POLK: variants seen among roughly 807,000 people sequenced by gnomAD.
POLK encodes DNA polymerase kappa, also known as polymerase (DNA directed) kappa.
In POLK, 76 loss-of-function variants were observed where a neutral mutation model predicts 94.0. The ratio of observed to expected loss-of-function variants is 0.81; its 90% CI spans 0.67 to 0.98. POLK has a LOEUF of 0.98. POLK is among the 50% of genes least tolerant of loss of function. The pLI, the probability that POLK is intolerant of heterozygous loss-of-function variation, is 0.00. For synonymous variants in POLK, 349 were observed against 325.4 expected, an observed-to-expected ratio of 1.07 and a Z score of -0.78; for missense variants, 954 against 1,010.1, an observed-to-expected ratio of 0.94 and a Z score of 0.75.
At chr5:75,586,774 A>G (rs1417670466) in intron 9 of POLK, among the ~76,000 whole-genome samples, 1 of 152,166 alleles carries the variant, frequency 6.6e-6, no homozygotes, top group African/African-American at 2.4e-5. Context: ...AATAGAAGCA[A>G]TTTCTAATAT....
intron 6 of POLK, among the ~76,000 whole-genome samples, chr5:75,579,019 CTCTTAGT>C (rs1178110987): frequency 6.6e-6 from 1 of 152,152 alleles, no homozygotes; most frequent in Non-Finnish European, 1.5e-5. Context: ...ACTACTTCAG[CTCTTAGT>C]TACACAGCCA....
At chr5:75,513,787 G>GT (rs1397490998) in intron 1 of POLK, among the ~76,000 whole-genome samples, 6 of 152,190 alleles carry the variant, frequency 3.9e-5, no homozygotes, top group African/African-American at 1.4e-4. Flanking sequence ...CCAATGAACA[G>GT]TATTAGTGCC....
intron 1 of POLK, chr5:75,512,667 TTTGA>T (rs1768109037): frequency 6.6e-6 from 1 of 152,248 alleles, no homozygotes; most frequent in Admixed American, 6.5e-5. Context: ...CAAGGATAAC[TTTGA>T]TTATGAGACT....
chr5:75,511,314 G>A (rs1163273859), upstream of POLK: 2 of 1,549,926 alleles, frequency 1.3e-6, no homozygotes, highest in Non-Finnish European at 1.7e-6. Context: ...AGCGAAGAGT[G>A]CCCGCTCCGG....
At chr5:75,604,407 C>G (rs1773370280), downstream of POLK, among the ~76,000 whole-genome samples, 1 of 152,176 alleles carries the variant, frequency 6.6e-6, no homozygotes, top group Admixed American at 6.5e-5. Context: ...GAGACAAGGT[C>G]TCACCGTCAC....
intron 1 of POLK, among the ~76,000 whole-genome samples, chr5:75,533,010 C>T (rs1399724242): frequency 6.6e-6 from 1 of 152,144 alleles, no homozygotes; most frequent in East Asian, 1.9e-4. Flanking sequence ...CCGTAGTTTG[C>T]AGAAATTTTC....
chr5:75,559,616 A>G (rs908894118), intron 3 of POLK, among the ~76,000 whole-genome samples: 2 of 144,780 alleles, frequency 1.4e-5, no homozygotes, highest in African/African-American at 5.2e-5. Context: ...GGCTCACTAC[A>G]ACCTCCAACT....
Position 75,555,655 on chromosome 5 carries a change from A to G in POLK, c.255+3064A>G, listed in dbSNP as rs141892650. ...AACCTCCACCTCCCGGGTTCAAGCT[A>G]TTCTCCCTCGGCCTCCCGAGTAGCT... On this transcript the variant is annotated intron_variant, in intron 3 of 14. Coordinates refer to ENST00000241436, the Ensembl canonical transcript of POLK. Among the ~76,000 whole-genome samples the G allele has an allele frequency of 1.7e-3, 256 of 151,542 alleles. 1 individual carries two copies. The highest frequency in any genetic ancestry group is 5.3e-3 in the African/African-American group (217 of 41,286).
chr5:75,529,461 G>A (rs1366775741), intron 1 of POLK, among the ~76,000 whole-genome samples: 1 of 151,984 alleles, frequency 6.6e-6, no homozygotes, highest in Admixed American at 6.6e-5. Flanking sequence ...ATGAGATTTG[G>A]AGAGGAACAC....
At chr5:75,511,044 C>T (rs1382688952), upstream of POLK, 3 of 1,456,500 alleles carry the variant, frequency 2.1e-6, no homozygotes, top group African/African-American at 4.3e-5. Context: ...CCCACCCCAC[C>T]GCCTCAGCGG....
chr5:75,575,775 C>G (rs913110002), intron 5 of POLK, among the ~76,000 whole-genome samples: 11 of 152,204 alleles, frequency 7.2e-5, no homozygotes, highest in Admixed American at 1.3e-4. Flanking sequence ...CTAAAATTCC[C>G]TTTGACTCAG....
rs1301337976 is a variant in POLK at position 75,541,588 on chromosome 5, C to G, written c.-13-5422C>G. On this transcript the variant is annotated intron_variant, in intron 1 of 14. Transcript: ENST00000241436. ...GCATGGTTCTCACAAGGCAGGCCTT[C>G]TGTCTCTGGTAAAAAACTTGAGTTT... 2.0e-5 allele frequency among the ~76,000 whole-genome samples: 3 copies of G among 151,858 alleles called. No individual in the cohort carries two copies. In the East Asian group the frequency reaches 5.8e-4, roughly 29 times the overall value.
At chr5:75,561,016 T>G (rs897287238) in intron 3 of POLK, among the ~76,000 whole-genome samples, 1 of 152,210 alleles carries the variant, frequency 6.6e-6, no homozygotes, top group Non-Finnish European at 1.5e-5. Flanking sequence ...TATAATCTTT[T>G]GGGTATATAA....
chr5:75,582,014 A>G, intron 7 of POLK: 1 of 985,792 alleles, frequency 1.0e-6, no homozygotes, highest in Non-Finnish European at 1.2e-6. Context: ...TCTAGCACAA[A>G]ATATATTTTT....
At chr5:75,566,036 G>T (rs1211606831) in intron 3 of POLK, among the ~76,000 whole-genome samples, 1 of 152,224 alleles carries the variant, frequency 6.6e-6, no homozygotes, top group African/African-American at 2.4e-5. Context: ...GACTGGGGTT[G>T]TGGCCTTTCT....
At chr5:75,565,200 A>ATC (rs1771206799) in intron 3 of POLK, among the ~76,000 whole-genome samples, 1 of 151,856 alleles carries the variant, frequency 6.6e-6, no homozygotes, top group African/African-American at 2.4e-5. Context: ...ATGCTTCCCG[A>ATC]AGTTCTTGTG....
At chr5:75,591,316 T>TA (rs915420472) in intron 11 of POLK, among the ~76,000 whole-genome samples, 27 of 152,298 alleles carry the variant, frequency 1.8e-4, no homozygotes, top group Admixed American at 3.9e-4. Context: ...TGCTAATCAG[T>TA]AAAAAATTTG....
At chr5:75,604,882 A>T (rs1415289446), downstream of POLK, among the ~76,000 whole-genome samples, 1 of 152,170 alleles carries the variant, frequency 6.6e-6, no homozygotes, top group African/African-American at 2.4e-5. Flanking sequence ...GTTCAAGAAA[A>T]ACTCAAATGA....
chr5:75,560,728 C>A (rs1167153469), intron 3 of POLK, among the ~76,000 whole-genome samples: 1 of 152,126 alleles, frequency 6.6e-6, no homozygotes, highest in East Asian at 1.9e-4. Flanking sequence ...CCCATATGGT[C>A]TCATTGTTCA....
Sources: gnomAD v4.1 joint callset for allele counts (sites outside exome capture counted in the v4.1 genomes callset) on GRCh38, gnomAD v4.1.1 for gene constraint, MANE v1.5 for transcripts, NCBI Gene and HGNC (gene_info 2026-07-23, HGNC 2026-07-21) for gene names.